ANXA6: variants seen among roughly 807,000 people sequenced by gnomAD.
ANXA6 encodes annexin A6.
In ANXA6, 71 loss-of-function variants were observed where a neutral mutation model predicts 95.4. That is an observed-to-expected ratio of 0.74 (90% CI 0.61 to 0.91). The LOEUF is 0.91. Ranked by LOEUF, ANXA6 falls within the 40% of genes least tolerant of loss-of-function variation. ANXA6 has a pLI of 0.00. For synonymous variants in ANXA6, 289 were observed against 315.9 expected, an observed-to-expected ratio of 0.91 and a Z score of 0.90; for missense variants, 830 against 876.4, an observed-to-expected ratio of 0.95 and a Z score of 0.67.
intron 17 of ANXA6, among the ~76,000 whole-genome samples, chr5:151,121,854 T>C (rs924043785): frequency 2.0e-5 from 3 of 152,150 alleles, no homozygotes; most frequent in Admixed American, 6.5e-5. Context: ...GATGGACATA[T>C]GCCACCATGA....
chr5:151,132,567 G>A lies in ANXA6; in HGVS notation c.645C>T (p.Phe215=), dbSNP rs376092227. ...NRSKQHLRLV[F]DEYLKTTGKP... is the part of the protein sequence containing the mutation. ...TCCCTGTGGTCTTCAGATACTCATC[G>A]AACACTGCGTCAGACAGAGAGACAG... The change falls in exon 10 of 26, where the codon TTC becomes TTT. Residue 215 remains phenylalanine (F), a synonymous_variant. Coordinates refer to ENST00000354546, the MANE Select transcript of ANXA6 (RefSeq NM_001155.5). 202 of 1,612,346 alleles carry A rather than the reference G, an allele frequency of 1.3e-4. No individual in the cohort carries two copies. Among genetic ancestry groups the A allele is most frequent in the Middle Eastern group, 1.7e-4 (1 of 6,060 alleles).
intron 1 of ANXA6, among the ~76,000 whole-genome samples, chr5:151,152,055 C>A (rs908056415): frequency 6.6e-6 from 1 of 152,180 alleles, no homozygotes. Flanking sequence ...CTAGAAGGAA[C>A]GGCTCACCAC....
At position 151,136,291 on chromosome 5, in the gene ANXA6, CA is replaced by C; in HGVS notation, c.453del (p.Gly152AlafsTer20). On this transcript the variant is annotated frameshift_variant, in exon 7 of 26. Transcript: ENST00000354546. LOFTEE classifies it high-confidence loss of function. ...DLEADIIGDT[S>X]GHFQKMLVVL... ...ACCACAAGCATCTTCTGGAAGTGGC[CA>C]GAGGTGTCGCCGATGATGTCAGCCT... is the stretch of plus-strand genomic sequence containing the variant. 10 of 1,613,942 alleles carry C rather than the reference CA, an allele frequency of 6.2e-6. No homozygotes were observed. The highest frequency in any genetic ancestry group is 1.3e-5 in the African/African-American group (1 of 75,030).
At chr5:151,133,023 G>GAAAAT (rs1209602827) in intron 9 of ANXA6, 71 bp downstream of exon 9, 1 of 1,163,382 alleles carries the variant, frequency 8.6e-7, no homozygotes, top group African/African-American at 1.7e-5. Context: ...GTAAAGAAAA[G>GAAAAT]AAAAGAGATA....
At chr5:151,133,047 T>C in intron 9 of ANXA6, 47 bp downstream of exon 9, 2 of 1,343,476 alleles carry the variant, frequency 1.5e-6, no homozygotes, top group South Asian at 2.5e-5. Context: ...AAAGGCATTA[T>C]TGGCATCAAC....
In ANXA6 at chr5:151,139,462, A is replaced by G. The variant is rs778224583; in HGVS notation, c.110-15T>C. 6.3e-7 allele frequency: 1 copy of G among 1,595,902 alleles called. No individual in the cohort carries two copies. Among genetic ancestry groups the G allele is most frequent in the Non-Finnish European group, 8.6e-7 (1 of 1,164,082 alleles). On this transcript the variant is annotated splice_polypyrimidine_tract_variant and intron_variant, in intron 3 of 25. Coordinates refer to ENST00000354546, the MANE Select transcript of ANXA6 (RefSeq NM_001155.5). Reference sequence around the variant, plus strand: ...CTTGTCACTGCCTGGAATAGGGGAGAGCAATCATCATCCTACCCACCCTGC... The same window carrying G: ...CTTGTCACTGCCTGGAATAGGGGAGGGCAATCATCATCCTACCCACCCTGC...
Position 151,119,366 on chromosome 5 carries a change from G to A in ANXA6, c.1372C>T (p.Leu458Phe), listed in dbSNP as rs367903608. ...MEGAGTDEKALIEILATRTNA... is the reference protein window; with the variant it reads ...MEGAGTDEKAFIEILATRTNA... Reference sequence around the variant, plus strand: ...GTCCGAGTGGCCAGGATTTCAATAAGAGCCTTTTCATCTGTGCCGGCTCCC... The same window carrying A: ...GTCCGAGTGGCCAGGATTTCAATAAAAGCCTTTTCATCTGTGCCGGCTCCC... Residue 458 changes from leucine to phenylalanine, a missense_variant, in exon 18 of 26, where the codon CTT becomes TTT. Transcript: ENST00000354546. 4 of 1,613,756 alleles carry A rather than the reference G, an allele frequency of 2.5e-6. No homozygotes were observed. Among genetic ancestry groups the A allele is most frequent in the Middle Eastern group, 3.4e-4 (2 of 5,956 alleles).
At chr5:151,108,582 T>C (rs756716632) in intron 22 of ANXA6, 32 bp from the exon 23 acceptor site, 41 of 1,591,820 alleles carry the variant, frequency 2.6e-5, no homozygotes, top group Non-Finnish European at 3.4e-5. Context: ...GAGGTGGGGG[T>C]GAGCTTCAGT....
chr5:151,127,564 T>C (rs550190482), intron 13 of ANXA6, among the ~76,000 whole-genome samples: 5 of 152,224 alleles, frequency 3.3e-5, no homozygotes, highest in African/African-American at 4.8e-5. Flanking sequence ...CCTCTTCACC[T>C]GGCTCTTCCC....
In ANXA6 at chr5:151,117,194, A is replaced by G; in HGVS notation, c.1519-14T>C. ...CTCACGATGCCCCTGCAGCAGGAGCAGCAAGAAAGTTCAGTCCCCAAACAT... is the reference window on the plus strand; with the variant it reads ...CTCACGATGCCCCTGCAGCAGGAGCGGCAAGAAAGTTCAGTCCCCAAACAT... On this transcript the variant is annotated splice_polypyrimidine_tract_variant and intron_variant, in intron 19 of 25. Transcript: ENST00000354546. 6.3e-7 allele frequency: 1 copy of G among 1,586,480 alleles called. No individual in the cohort carries two copies. Among genetic ancestry groups the G allele is most frequent in the Non-Finnish European group, 8.6e-7 (1 of 1,163,720 alleles).
chr5:151,108,716 G>A (rs533695802), intron 22 of ANXA6, among the ~76,000 whole-genome samples, 166 bp from the exon 23 acceptor site: 2 of 152,246 alleles, frequency 1.3e-5, no homozygotes, highest in East Asian at 1.9e-4. Context: ...AGATCATCCC[G>A]ATAGAGAAGC....
Position 151,131,303 on chromosome 5 carries a change from G to A in ANXA6, c.737-14C>T, listed in dbSNP as rs781151479. 2 of 1,613,822 alleles carry A rather than the reference G, an allele frequency of 1.2e-6. No homozygotes were observed. Among genetic ancestry groups the A allele is most frequent in the East Asian group, 4.5e-5 (2 of 44,876 alleles). On this transcript the variant is annotated splice_polypyrimidine_tract_variant and intron_variant, in intron 10 of 25. Transcript: ENST00000354546. The stretch of plus-strand genomic sequence containing the variant: ...GGATACACTTCACTGTGAAGAGGGA[G>A]GAAGAGGTAGAGTTATTCTGGCTGC...
At chr5:151,120,439 G>A (rs750833978) in intron 17 of ANXA6, among the ~76,000 whole-genome samples, 41 of 147,516 alleles carry the variant, frequency 2.8e-4, no homozygotes, top group Middle Eastern at 3.5e-3. Context: ...AAAAAAGTCC[G>A]GGCGTGGTGG....
At chr5:151,124,574 A>G (rs1013185714) in intron 14 of ANXA6, among the ~76,000 whole-genome samples, 15 of 152,272 alleles carry the variant, frequency 9.9e-5, no homozygotes, top group African/African-American at 3.4e-4. Context: ...AGAGACAGAA[A>G]GATATAGAGA....
intron 2 of ANXA6, chr5:151,141,844 G>T: frequency 2.4e-6 from 1 of 410,250 alleles, no homozygotes; most frequent in Non-Finnish European, 3.3e-6. Flanking sequence ...CTTGCAAGGA[G>T]CTCAGTGAGC....
In ANXA6 at chr5:151,101,254, A is replaced by C. The variant is rs1194385395; in HGVS notation, c.*194T>G. 5 of 632,490 alleles carry C rather than the reference A, an allele frequency of 7.9e-6. No individual in the cohort carries two copies. The highest frequency in any genetic ancestry group is 1.4e-5 in the Non-Finnish European group (5 of 348,192). 39.2% of individuals were successfully genotyped at this position (632,490 alleles called of 1,614,324 possible). ...TATGGCTACGGTTTTTCAGCCGCTC[A>C]GCCGTGCTGGGCCCTCGATGGCCCG... On this transcript the variant is annotated 3_prime_UTR_variant, in exon 26 of 26. Transcript: ENST00000354546.
At chr5:151,113,802 T>C (rs1660467114) in intron 20 of ANXA6, among the ~76,000 whole-genome samples, 1 of 152,230 alleles carries the variant, frequency 6.6e-6, no homozygotes, top group African/African-American at 2.4e-5. Flanking sequence ...AATGAAAACA[T>C]ATGTGCACAC....
intron 13 of ANXA6, 71 bp from the exon 14 acceptor site, chr5:151,126,551 C>A (rs1357743879): frequency 2.1e-6 from 1 of 481,200 alleles, no homozygotes; most frequent in Admixed American, 2.9e-5. Flanking sequence ...CCAACACACA[C>A]ACACACACAC....
At chr5:151,142,680 G>GA (rs890147985) in intron 2 of ANXA6, among the ~76,000 whole-genome samples, 6 of 152,220 alleles carry the variant, frequency 3.9e-5, no homozygotes, top group Non-Finnish European at 7.3e-5. Context: ...ATACAGGCTG[G>GA]AAGTAACTGT....
Sources: allele counts gnomAD v4.1 joint callset (sites outside exome capture counted in the v4.1 genomes callset), GRCh38; gene constraint gnomAD v4.1.1; transcripts MANE v1.5; gene names NCBI Gene and HGNC (gene_info 2026-07-23, HGNC 2026-07-21).